The following CRADD variants were observed in gnomAD, a reference collection of about 807,000 sequenced individuals.
The protein encoded by CRADD is death domain-containing protein CRADD.
CRADD carries 9 observed loss-of-function variants against 15.5 expected under a neutral mutation model. That is an observed-to-expected ratio of 0.58 (90% CI 0.35 to 1.01). The LOEUF (loss-of-function observed/expected upper bound fraction) is 1.01, where lower values mean the gene tolerates loss of function less well. Among genes scored for constraint, CRADD ranks in the 50% least tolerant of loss-of-function variants. The pLI, the probability that CRADD is intolerant of heterozygous loss-of-function variation, is 0.02. For missense variants in CRADD, 227 were observed against 250.3 expected (o/e 0.91, Z 0.63); for synonymous variants, 118 against 107.6 (o/e 1.10, Z -0.60).
At chr12:93,861,602 C>T (rs1034795529) in intron 2 of CRADD, among the ~76,000 whole-genome samples, 3 of 152,170 alleles carry the variant, frequency 2.0e-5, no homozygotes, top group Non-Finnish European at 4.4e-5. Flanking sequence ...CAGGACAACT[C>T]CTAAGGGTCA....
At chr12:93,817,201 C>T (rs1016283800) in intron 2 of CRADD, among the ~76,000 whole-genome samples, 5 of 152,156 alleles carry the variant, frequency 3.3e-5, no homozygotes, top group African/African-American at 1.2e-4. Flanking sequence ...CCATCGGAGA[C>T]TCAGATCTGG....
intron 2 of CRADD, among the ~76,000 whole-genome samples, chr12:93,789,956 G>A (rs1243822444): frequency 6.6e-6 from 1 of 152,140 alleles, no homozygotes; most frequent in Non-Finnish European, 1.5e-5. Flanking sequence ...TTCACAATAT[G>A]TGAAAGTAGC....
chr12:93,730,100 TG>T (rs1314723672), intron 2 of CRADD, among the ~76,000 whole-genome samples: 4 of 152,248 alleles, frequency 2.6e-5, no homozygotes, highest in Non-Finnish European at 1.5e-5. Context: ...TGCCAAGCAC[TG>T]GGCTAGTATC....
Position 93,850,277 on chromosome 12 carries a change from C to G in CRADD, c.*6C>G, listed in dbSNP as rs778400680. 6.3e-7 allele frequency: 1 copy of G among 1,583,802 alleles called. No homozygotes were observed. Among genetic ancestry groups the G allele is most frequent in the Admixed American group, 1.8e-5 (1 of 54,368 alleles). Reference sequence around the variant, plus strand: ...TCCTGCACATGTTGGAGTGATGGTGCCTCCAGCAACCGCTGGGGAGTGTGT... The same window carrying G: ...TCCTGCACATGTTGGAGTGATGGTGGCTCCAGCAACCGCTGGGGAGTGTGT... On this transcript the variant is annotated 3_prime_UTR_variant, in exon 3 of 3. Transcript: ENST00000332896. This position sits in a 1 kb window ranked among gnomAD's most constrained non-coding sequence, Gnocchi z 4.0.
intron 2 of CRADD, among the ~76,000 whole-genome samples, chr12:93,719,950 T>G (rs1462048689): frequency 1.3e-5 from 2 of 152,118 alleles, no homozygotes; most frequent in Non-Finnish European, 2.9e-5. Context: ...TGCTCTAATT[T>G]TTATACTTTT....
chr12:93,861,400 G>C (rs143712949), intron 2 of CRADD, among the ~76,000 whole-genome samples: 19 of 152,370 alleles, frequency 1.2e-4, no homozygotes, highest in African/African-American at 4.3e-4. Flanking sequence ...GTGTGGTGGA[G>C]GATGCTTAGG....
intron 2 of CRADD, among the ~76,000 whole-genome samples, chr12:93,826,227 T>A (rs569635132): frequency 6.6e-6 from 1 of 152,318 alleles, no homozygotes; most frequent in South Asian, 2.1e-4. Context: ...TAATAAGAAA[T>A]GAATAAAACT....
intron 2 of CRADD, among the ~76,000 whole-genome samples, chr12:93,804,168 T>C (rs1957508989): frequency 6.6e-6 from 1 of 151,852 alleles, no homozygotes; most frequent in South Asian, 2.1e-4. Context: ...AAAAAAAAAA[T>C]ACATACATCT....
At chr12:93,762,873 A>G (rs911469858) in intron 2 of CRADD, among the ~76,000 whole-genome samples, 1 of 152,218 alleles carries the variant, frequency 6.6e-6, no homozygotes, top group Non-Finnish European at 1.5e-5. Flanking sequence ...AAACAAGTCA[A>G]CTTCCCTGTG....
intron 2 of CRADD, among the ~76,000 whole-genome samples, chr12:93,838,935 T>C (rs1157571014): frequency 6.6e-6 from 1 of 151,630 alleles, no homozygotes; most frequent in Admixed American, 6.6e-5. Flanking sequence ...GCTAATTTTT[T>C]GTATTAATTT....
intron 2 of CRADD, among the ~76,000 whole-genome samples, chr12:93,835,712 T>C (rs994017209): frequency 5.3e-5 from 8 of 152,236 alleles, no homozygotes; most frequent in African/African-American, 1.9e-4. Flanking sequence ...TTCTCACTTA[T>C]TAGTTTATTC....
chr12:93,773,604 A>G (rs1957108112), intron 2 of CRADD, among the ~76,000 whole-genome samples: 1 of 152,082 alleles, frequency 6.6e-6, no homozygotes, highest in Non-Finnish European at 1.5e-5. Context: ...GCTTTGCTTC[A>G]TGCAGACATT....
At chr12:93,690,689 T>C (rs1382514774) in intron 2 of CRADD, among the ~76,000 whole-genome samples, 1 of 152,210 alleles carries the variant, frequency 6.6e-6, no homozygotes, top group African/African-American at 2.4e-5. Flanking sequence ...GATAAATTGC[T>C]CAAGGTCACA....
intron 2 of CRADD, among the ~76,000 whole-genome samples, chr12:93,774,792 G>A (rs1316992556): frequency 6.6e-6 from 1 of 152,138 alleles, no homozygotes; most frequent in Non-Finnish European, 1.5e-5. Flanking sequence ...AAGGTGATAT[G>A]GATGCAATGA....
chr12:93,781,224 A>G (rs532795726), intron 2 of CRADD, among the ~76,000 whole-genome samples: 27 of 152,184 alleles, frequency 1.8e-4, no homozygotes, highest in Non-Finnish European at 3.7e-4. Flanking sequence ...ATAAAAATAT[A>G]TAAAAGTCCA....
chr12:93,873,613 A>G (rs1431825231), intron 2 of CRADD, among the ~76,000 whole-genome samples: 3 of 152,018 alleles, frequency 2.0e-5, no homozygotes, highest in African/African-American at 4.8e-5. Flanking sequence ...AGGGTTTTTA[A>G]TCATGAAGAG....
chr12:93,751,496 T>C (rs74345546), intron 2 of CRADD, among the ~76,000 whole-genome samples: 7,632 of 152,250 alleles, frequency 0.05, 432 homozygotes, highest in East Asian at 0.19. Context: ...TACCTGTTGG[T>C]AAAAACTTCC....
chr12:93,698,252 CTT>C (rs143849824), intron 2 of CRADD, among the ~76,000 whole-genome samples: 2 of 152,148 alleles, frequency 1.3e-5, no homozygotes, highest in African/African-American at 4.8e-5. Flanking sequence ...GAAGCCCACT[CTT>C]TGCTAAACTC....
chr12:93,720,374 A>G (rs1565886824), intron 2 of CRADD, among the ~76,000 whole-genome samples: 1 of 152,160 alleles, frequency 6.6e-6, no homozygotes, highest in Non-Finnish European at 1.5e-5. Context: ...AATAGTCCAC[A>G]TGAGCTTGAG....
Sources: allele counts gnomAD v4.1 joint callset (sites outside exome capture counted in the v4.1 genomes callset), GRCh38; gene constraint gnomAD v4.1.1; non-coding constraint Gnocchi (gnomAD v3.1); transcripts MANE v1.5; gene names NCBI Gene and HGNC (gene_info 2026-07-23, HGNC 2026-07-21).